MYH9: variants seen among roughly 807,000 people sequenced by gnomAD.
MYH9 encodes myosin-9.
MYH9 carries 29 observed loss-of-function variants against 241.9 expected under a neutral mutation model. That is an observed-to-expected ratio of 0.12 (90% confidence interval 0.09 to 0.16). The LOEUF (loss-of-function observed/expected upper bound fraction) is 0.16. Ranked by LOEUF, MYH9 falls within the 10% of genes least tolerant of loss-of-function variation. The pLI, the probability that MYH9 is intolerant of heterozygous loss-of-function variation, is 1.00. For missense variants in MYH9, 1,803 were observed against 2,595.5 expected, an observed-to-expected ratio of 0.69 and a Z score of 6.63; for synonymous variants, 1,047 against 1,062.6, an observed-to-expected ratio of 0.99 and a Z score of 0.29.
intron 2 of MYH9, among the ~76,000 whole-genome samples, chr22:36,347,314 A>C (rs764843535): frequency 3.3e-5 from 5 of 151,716 alleles, no homozygotes; most frequent in African/African-American, 4.8e-5. Flanking sequence ...CCCCTTGGTC[A>C]AGCCTGGCAA....
chr22:36,295,272 C>T lies in MYH9; in HGVS notation c.3486-196G>A, dbSNP rs1338716459. ...CCCTGTGAGAGCTTCTGTAGCCTTT[C>T]AGCTTTAAAGCCCAGCCTTGCCTCA... On this transcript the variant is annotated intron_variant, in intron 26 of 40. Coordinates refer to ENST00000216181, the MANE Select transcript of MYH9 (RefSeq NM_002473.6). The surrounding 1 kb of genome is among the most constrained non-coding windows in gnomAD (Gnocchi z 4.1). Among the ~76,000 whole-genome samples, 2 of 152,198 alleles carry T rather than the reference C, an allele frequency of 1.3e-5. No homozygotes were observed. Among genetic ancestry groups the T allele is most frequent in the African/African-American group, 4.8e-5 (2 of 41,456 alleles).
intron 1 of MYH9, among the ~76,000 whole-genome samples, chr22:36,358,461 C>G (rs965471116): frequency 2.0e-5 from 3 of 152,134 alleles, no homozygotes; most frequent in African/African-American, 7.2e-5. Context: ...TATTTCCCGC[C>G]CAGAGCTCTC....
chr22:36,347,081 T>C (rs930952114), intron 2 of MYH9, among the ~76,000 whole-genome samples: 13 of 152,148 alleles, frequency 8.5e-5, no homozygotes, highest in African/African-American at 3.1e-4. Flanking sequence ...GGAAATATCT[T>C]TGAGTTGAAC....
rs536111314 is a variant in MYH9, at chr22:36,300,405, G to A, written c.2839-141C>T. ...AGCCCAGGGCCATGGCTGAGGTGGG[G>A]ACGGCAAGGTCCGCCAGCCCAGGGC... On this transcript the variant is annotated intron_variant, in intron 22 of 40. Coordinates refer to ENST00000216181, the MANE Select transcript of MYH9 (RefSeq NM_002473.6). The surrounding 1 kb of genome is among the most constrained non-coding windows in gnomAD (Gnocchi z 5.0). 287 of 1,257,404 alleles carry A rather than the reference G, an allele frequency of 2.3e-4. 7 individuals are homozygous for A. The South Asian group carries it at 2.9e-3, about 13-fold the overall frequency. 77.9% of individuals were successfully genotyped at this position (1,257,404 alleles called of 1,614,324 possible).
chr22:36,353,437 T>A (rs1419272604), intron 1 of MYH9, among the ~76,000 whole-genome samples: 1 of 152,102 alleles, frequency 6.6e-6, no homozygotes, highest in Non-Finnish European at 1.5e-5. Context: ...CTCAGCTCGC[T>A]GCAACCTCCA....
chr22:36,313,886 C>T (rs997324488), intron 13 of MYH9, among the ~76,000 whole-genome samples: 3 of 152,194 alleles, frequency 2.0e-5, no homozygotes, highest in Admixed American at 1.3e-4. Context: ...CTAGGGCCCC[C>T]GCCACATATG....
At position 36,319,552 on chromosome 22, in the gene MYH9, G is replaced by A. The variant is rs780120030; in HGVS notation, c.1096C>T (p.Pro366Ser). Residue 366 changes from proline to serine, a missense_variant, in exon 10 of 41, where the codon CCC (proline) becomes TCC (serine). Physicochemically the swap from Pro to Ser is moderately conservative, Grantham distance 74. Transcript: ENST00000216181. ...CCCCGGGTGTTACCTGTGTTGTCGG[G>A]CATGGACGCCTGGTCAGTGTTCCGC... ...KERNTDQASM[P>S]DNTAAQKVSH... is the part of the protein sequence containing the mutation. 7.4e-6 allele frequency: 12 copies of A among 1,614,136 alleles called. No individual in the cohort carries two copies. In the South Asian group the frequency reaches 1.2e-4, roughly 16 times the overall value.
chr22:36,286,362 C>T lies in MYH9; in HGVS notation c.5061+356G>A, dbSNP rs1569534704. 3.9e-5 allele frequency among the ~76,000 whole-genome samples: 6 copies of T among 152,146 alleles called. No homozygotes were observed. The South Asian group carries it at 1.2e-3, about 31-fold the overall frequency. The stretch of plus-strand genomic sequence containing the variant: ...GCAGCCGGCACATCACGCTGCAGGG[C>T]ACCCTCCAGACCTGGGAAACACTTC... On this transcript the variant is annotated intron_variant, in intron 35 of 40. Coordinates refer to ENST00000216181, the MANE Select transcript of MYH9 (RefSeq NM_002473.6).
chr22:36,339,556 T>C (rs2017550156), intron 3 of MYH9, among the ~76,000 whole-genome samples: 1 of 152,178 alleles, frequency 6.6e-6, no homozygotes, highest in African/African-American at 2.4e-5. Context: ...TCCTACATAA[T>C]GCATCAAGCT....
chr22:36,362,144 C>T (rs897630503), intron 1 of MYH9, among the ~76,000 whole-genome samples: 6 of 152,154 alleles, frequency 3.9e-5, no homozygotes, highest in Non-Finnish European at 8.8e-5. Context: ...TTGGAAAATA[C>T]TGGGGACTTG....
intron 7 of MYH9, among the ~76,000 whole-genome samples, chr22:36,321,181 G>A (rs184763184): frequency 1.2e-3 from 188 of 152,280 alleles, no homozygotes; most frequent in Non-Finnish European, 2.0e-3. Flanking sequence ...CTGACCTCAG[G>A]TGATCCACCC....
At chr22:36,321,677 T>A in intron 7 of MYH9, 81 bp downstream of exon 7, 1 of 1,310,054 alleles carries the variant, frequency 7.6e-7, no homozygotes, top group South Asian at 1.2e-5. Flanking sequence ...AGTGCTGGAA[T>A]CAGGAGGCAG....
At position 36,286,805 on chromosome 22, in the gene MYH9, G is replaced by A. The variant is rs776733292; in HGVS notation, c.4974C>T (p.Arg1658=). The A allele has an allele frequency of 2.1e-5, 34 of 1,611,744 alleles. No homozygotes were observed. Among genetic ancestry groups the A allele is most frequent in the African/African-American group, 5.3e-5 (4 of 74,934 alleles). The change falls in exon 35 of 41, where the codon CGC becomes CGT. Residue 1658 remains arginine (R), a synonymous_variant. Transcript: ENST00000216181. ...GGGCCAGGATCTCCTCACGAGAGGCGCGGGTGTCATCCAGCTCGCGCATGC... is the reference window on the plus strand; with the variant it reads ...GGGCCAGGATCTCCTCACGAGAGGCACGGGTGTCATCCAGCTCGCGCATGC... ...KDCMRELDDT[R]ASREEILAQA...
chr22:36,362,877 G>A (rs919382082), intron 1 of MYH9, among the ~76,000 whole-genome samples: 9 of 152,192 alleles, frequency 5.9e-5, no homozygotes, highest in South Asian at 2.1e-4. Flanking sequence ...ATGATAGCCC[G>A]CCCAGCATGG....
rs879805408 is a variant in MYH9 at position 36,319,923 on chromosome 22, C to G, written c.1013-288G>C. The G allele has an allele frequency of 4.9e-6, 3 of 606,580 alleles. No homozygotes were observed. The South Asian group carries it at 5.8e-5, about 12-fold the overall frequency. The allele number at this position is 606,580 out of a possible 1,614,324, so 37.6% of individuals were successfully genotyped here. ...TATCCCCAGCTTCTTCCACACTCCCCGAGACAGGACGTGAATATTCTACTT... is the reference window on the plus strand; with the variant it reads ...TATCCCCAGCTTCTTCCACACTCCCGGAGACAGGACGTGAATATTCTACTT... On this transcript the variant is annotated intron_variant, in intron 9 of 40. Transcript: ENST00000216181.
chr22:36,303,797 A>G (rs929641430), intron 19 of MYH9, among the ~76,000 whole-genome samples, 198 bp downstream of exon 19: 21 of 151,552 alleles, frequency 1.4e-4, no homozygotes, highest in African/African-American at 3.9e-4. Flanking sequence ...AAAAAAAAAA[A>G]AAAAAAGAAA....
In MYH9 at chr22:36,343,623, C is replaced by G. The variant is rs142144576; in HGVS notation, c.334-2097G>C. On this transcript the variant is annotated intron_variant, in intron 2 of 40. Transcript: ENST00000216181. ...GTTTGGCTGCTTGGAAAAGGAGATGCAGGGCCCTTGATTTCCTTTCTTCCT... is the reference window on the plus strand; with the variant it reads ...GTTTGGCTGCTTGGAAAAGGAGATGGAGGGCCCTTGATTTCCTTTCTTCCT... Among the ~76,000 whole-genome samples the G allele has an allele frequency of 2.3e-3, 344 of 151,834 alleles. 2 individuals are homozygous for G. The highest frequency in any genetic ancestry group is 7.3e-3 in the African/African-American group (302 of 41,396).
In MYH9 at chr22:36,355,130, C is replaced by T. The variant is rs146250673; in HGVS notation, c.-19-5875G>A. Among the ~76,000 whole-genome samples the T allele has an allele frequency of 2.1e-3, 322 of 152,166 alleles. 4 individuals carry two copies. Among genetic ancestry groups the T allele is most frequent in the Admixed American group, 4.8e-3 (73 of 15,286 alleles). The stretch of plus-strand genomic sequence containing the variant: ...GATTGGATCAGGCTGAGGCCATCCC[C>T]CAGCGCTTTCCTTCCCGCCGGCTTC... On this transcript the variant is annotated intron_variant, in intron 1 of 40. Coordinates refer to ENST00000216181, the MANE Select transcript of MYH9 (RefSeq NM_002473.6).
chr22:36,285,206 T>G lies in MYH9; in HGVS notation c.5398A>C (p.Thr1800Pro), dbSNP rs1196963679. ...GAGGCCTTGTACTTGGACTTGACAG[T>G]GCCCTCCATCTCCTGCAGCTTGACC... Reference protein sequence around the residue: ...LKVKLQEMEGTVKSKYKASIT... With the variant: ...LKVKLQEMEGPVKSKYKASIT... Residue 1800 changes from threonine to proline, a missense_variant, in exon 38 of 41, where the codon ACT (threonine) becomes CCT (proline). By Grantham distance (38) the Thr-to-Pro change is conservative (BLOSUM62 -1). Around this residue, in one of 11 missense-constraint regions of MYH9, gnomAD observed 876 missense variants for 1,077.8 expected, o/e 0.81. Transcript: ENST00000216181. The surrounding 1 kb of genome is among the most constrained non-coding windows in gnomAD (Gnocchi z 7.0). 4 of 1,614,172 alleles carry G rather than the reference T, an allele frequency of 2.5e-6. No individual in the cohort carries two copies. The highest frequency in any genetic ancestry group is 3.4e-6 in the Non-Finnish European group (4 of 1,180,016).
Sources: allele counts gnomAD v4.1 joint callset (sites outside exome capture counted in the v4.1 genomes callset), GRCh38; gene constraint gnomAD v4.1.1; regional missense constraint gnomAD v4.1.1; non-coding constraint Gnocchi (gnomAD v3.1); transcripts MANE v1.5; gene names NCBI Gene and HGNC (gene_info 2026-07-23, HGNC 2026-07-21).